TXNRD1: variants seen among roughly 807,000 people sequenced by gnomAD.
TXNRD1 encodes thioredoxin reductase 1, also known as thioredoxin reductase 1, cytoplasmic.
Under a neutral mutation model 80.3 loss-of-function variants are expected in TXNRD1, and 57 were observed. The ratio of observed to expected loss-of-function variants is 0.71; its 90% CI spans 0.57 to 0.89. The LOEUF (loss-of-function observed/expected upper bound fraction) is 0.89, where lower values mean the gene tolerates loss of function less well. TXNRD1 is among the 40% of genes least tolerant of loss of function. The probability of loss-of-function intolerance (pLI) is 0.00; values close to 1 mark genes in which losing one functional copy is unlikely to be tolerated. For synonymous variants in TXNRD1, 291 were observed against 285.2 expected, an observed-to-expected ratio of 1.02 and a Z score of -0.20; for missense variants, 730 against 803.0, an observed-to-expected ratio of 0.91 and a Z score of 1.10.
chr12:104,224,530 A>C (rs1017509648), intron 1 of TXNRD1, among the ~76,000 whole-genome samples: 1 of 152,074 alleles, frequency 6.6e-6, no homozygotes, highest in Non-Finnish European at 1.5e-5. Context: ...CTGGGATTAC[A>C]GGTGGCCACC....
chr12:104,235,811 T>A (rs73394521), intron 1 of TXNRD1, among the ~76,000 whole-genome samples: 10,316 of 152,204 alleles, frequency 0.068, 453 homozygotes, highest in African/African-American at 0.11. Context: ...CCATGTTGTT[T>A]CATGTCCTTG....
At chr12:104,261,321 G>T (rs539158323) in intron 3 of TXNRD1, among the ~76,000 whole-genome samples, 1 of 152,138 alleles carries the variant, frequency 6.6e-6, no homozygotes, top group East Asian at 1.9e-4. Context: ...GCGCCACCAC[G>T]GCCAATTTAT....
intron 3 of TXNRD1, among the ~76,000 whole-genome samples, chr12:104,278,189 CTTTTTTTTTTTTT>C (rs202175579): frequency 0.016 from 1,525 of 98,282 alleles, 43 homozygotes; most frequent in African/African-American, 0.047. Context: ...TGATCAAATT[CTTTTTTTTTTTTT>C]TTTTTTTTTT....
intron 7 of TXNRD1, 134 bp downstream of exon 7, chr12:104,316,030 T>G: frequency 1.1e-6 from 1 of 937,318 alleles, no homozygotes; most frequent in Non-Finnish European, 1.5e-6. Flanking sequence ...TTGATGGATA[T>G]AATCACTGGA....
At chr12:104,259,780 G>T (rs1049262855) in intron 3 of TXNRD1, among the ~76,000 whole-genome samples, 1 of 151,762 alleles carries the variant, frequency 6.6e-6, no homozygotes, top group Admixed American at 6.6e-5. Flanking sequence ...GAGCCACCAC[G>T]CCCGGCCATA....
chr12:104,307,080 T>C (rs953664543), intron 4 of TXNRD1, among the ~76,000 whole-genome samples: 2 of 152,192 alleles, frequency 1.3e-5, no homozygotes, highest in East Asian at 3.8e-4. Flanking sequence ...GTTTCTATTT[T>C]TACTGGTTGG....
chr12:104,309,157 C>T (rs1290936634), intron 4 of TXNRD1, among the ~76,000 whole-genome samples: 3 of 152,178 alleles, frequency 2.0e-5, no homozygotes. Flanking sequence ...GCTTCGGCCT[C>T]CCAAAGTGCT....
chr12:104,290,963 T>C (rs1224906887), intron 4 of TXNRD1: 1 of 661,344 alleles, frequency 1.5e-6, no homozygotes, highest in Non-Finnish European at 2.7e-6. Flanking sequence ...TTTTTTCTTT[T>C]TTTTTAATTG....
intron 4 of TXNRD1, among the ~76,000 whole-genome samples, chr12:104,306,467 A>G (rs1469548348): frequency 6.6e-6 from 1 of 152,134 alleles, no homozygotes; most frequent in Non-Finnish European, 1.5e-5. Context: ...TTTTGCCATT[A>G]AACAATACTT....
chr12:104,218,009 A>G (rs936149066), intron 1 of TXNRD1, among the ~76,000 whole-genome samples: 1 of 151,738 alleles, frequency 6.6e-6, no homozygotes, highest in East Asian at 1.9e-4. Flanking sequence ...CACAAAATGG[A>G]ATATATATAC....
At chr12:104,249,867 G>A (rs2033077943) in intron 1 of TXNRD1, among the ~76,000 whole-genome samples, 3 of 150,088 alleles carry the variant, frequency 2.0e-5, no homozygotes, top group African/African-American at 4.9e-5. Context: ...CCCGGGAGGC[G>A]GAGCTTGCAG....
intron 1 of TXNRD1, among the ~76,000 whole-genome samples, chr12:104,225,587 T>A (rs1034829018): frequency 2.6e-5 from 4 of 152,174 alleles, no homozygotes; most frequent in African/African-American, 9.7e-5. Context: ...GATGGTTTTA[T>A]AAAGGGCTTC....
intron 3 of TXNRD1, among the ~76,000 whole-genome samples, chr12:104,264,929 A>G (rs927103800): frequency 6.6e-6 from 1 of 152,176 alleles, no homozygotes; most frequent in Admixed American, 6.6e-5. Context: ...ATAAGCTCAA[A>G]GAGTTCCCTG....
At chr12:104,271,122 C>T (rs1242793428) in intron 3 of TXNRD1, among the ~76,000 whole-genome samples, 1 of 151,778 alleles carries the variant, frequency 6.6e-6, no homozygotes, top group African/African-American at 2.4e-5. Context: ...CACCTGGGTG[C>T]AGGCAGGCTG....
intron 6 of TXNRD1, among the ~76,000 whole-genome samples, chr12:104,314,808 C>G (rs2035266066): frequency 7.3e-6 from 1 of 136,334 alleles, no homozygotes; most frequent in East Asian, 2.2e-4. Flanking sequence ...GTGGCGCTAT[C>G]TCGGCTCACT....
intron 4 of TXNRD1, chr12:104,304,850 G>T: frequency 6.2e-7 from 1 of 1,613,966 alleles, no homozygotes; most frequent in South Asian, 1.1e-5. Flanking sequence ...GAAACAGGGA[G>T]TTATATCTTT....
At chr12:104,232,854 C>G (rs944200466) in intron 1 of TXNRD1, among the ~76,000 whole-genome samples, 3 of 152,182 alleles carry the variant, frequency 2.0e-5, no homozygotes, top group Non-Finnish European at 2.9e-5. Flanking sequence ...GCATACCAAA[C>G]AAAGAAAAGC....
intron 16 of TXNRD1, among the ~76,000 whole-genome samples, chr12:104,344,347 G>T (rs1393441678): frequency 6.6e-6 from 1 of 151,498 alleles, no homozygotes; most frequent in Non-Finnish European, 1.5e-5. Context: ...TTGTGAAAAA[G>T]CTCCAGTGAT....
chr12:104,230,910 C>A (rs1280637045), intron 1 of TXNRD1, among the ~76,000 whole-genome samples: 3 of 152,076 alleles, frequency 2.0e-5, no homozygotes, highest in African/African-American at 7.2e-5. Flanking sequence ...TATGCAAATG[C>A]AGGGCGCCAT....
Sources: gnomAD v4.1 joint callset for allele counts (sites outside exome capture counted in the v4.1 genomes callset) on GRCh38, gnomAD v4.1.1 for gene constraint, MANE v1.5 for transcripts, NCBI Gene and HGNC (gene_info 2026-07-23, HGNC 2026-07-21) for gene names.